The following FGF13 variants were observed in gnomAD, a reference collection of about 807,000 sequenced individuals.
The protein encoded by FGF13 is fibroblast growth factor homologous factor 2.
In FGF13, 2 loss-of-function variants were observed where a neutral mutation model predicts 19.5. The ratio of observed to expected loss-of-function variants is 0.10; its 90% CI spans 0.04 to 0.32. The LOEUF (loss-of-function observed/expected upper bound fraction) is 0.32, where lower values mean the gene tolerates loss of function less well. FGF13 is among the 10% of genes least tolerant of loss of function. FGF13 has a pLI of 1.00. For missense variants in FGF13, 113 were observed against 192.7 expected, an observed-to-expected ratio of 0.59 and a Z score of 2.45; for synonymous variants, 72 against 76.9, an observed-to-expected ratio of 0.94 and a Z score of 0.33.
intron 3 of FGF13, among the ~76,000 whole-genome samples, chrX:138,778,672 A>T (rs2090611236): frequency 8.9e-6 from 1 of 112,017 alleles, no homozygotes; most frequent in Non-Finnish European, 1.9e-5. Context: ...TGCTAGGCCC[A>T]CGGAGTCTCG....
At chrX:139,004,466 C>T (rs974271593) in intron 1 of FGF13, among the ~76,000 whole-genome samples, 21 of 112,428 alleles carry the variant, frequency 1.9e-4, no homozygotes, top group Non-Finnish European at 5.6e-5. Flanking sequence ...GCCCAGAAAG[C>T]GGCTCCCACA....
At chrX:139,185,964 T>C (rs2084280160) in intron 1 of FGF13, among the ~76,000 whole-genome samples, 1 of 111,519 alleles carries the variant, frequency 9.0e-6, no homozygotes, top group Admixed American at 9.5e-5. Flanking sequence ...ACACACAATC[T>C]ATGGTTTGAT....
intron 1 of FGF13, among the ~76,000 whole-genome samples, chrX:139,007,669 G>A (rs901440405): frequency 8.9e-6 from 1 of 112,340 alleles, no homozygotes; most frequent in Non-Finnish European, 1.9e-5. Flanking sequence ...TAGAGATTAA[G>A]GTGGCAGATA....
At chrX:139,081,313 T>C (rs1246748267) in intron 1 of FGF13, among the ~76,000 whole-genome samples, 10 of 111,882 alleles carry the variant, frequency 8.9e-5, no homozygotes, top group Non-Finnish European at 3.8e-5. Context: ...CTAGGATATC[T>C]CACTCTCTTA....
intron 1 of FGF13, among the ~76,000 whole-genome samples, chrX:139,014,710 C>G (rs2092145657): frequency 9.0e-6 from 1 of 111,378 alleles, no homozygotes; most frequent in African/African-American, 3.3e-5. Context: ...ATTCCAAACT[C>G]ATTTTACAAG....
chrX:139,110,598 A>G (rs980930201), intron 1 of FGF13, among the ~76,000 whole-genome samples: 6 of 111,515 alleles, frequency 5.4e-5, no homozygotes, highest in African/African-American at 2.0e-4. Flanking sequence ...CATTAAACCT[A>G]TTTTTCTTCC....
At chrX:139,105,263 A>G (rs937451105) in intron 1 of FGF13, among the ~76,000 whole-genome samples, 1 of 111,197 alleles carries the variant, frequency 9.0e-6, no homozygotes, top group Non-Finnish European at 1.9e-5. Context: ...TGCTGTGTGT[A>G]GCAGACACAA....
At chrX:138,971,181 C>T (rs1231533165) in intron 1 of FGF13, among the ~76,000 whole-genome samples, 1 of 111,851 alleles carries the variant, frequency 8.9e-6, no homozygotes, top group East Asian at 2.8e-4. Context: ...GAATTCCTGG[C>T]TCCTCTACCT....
intron 1 of FGF13, among the ~76,000 whole-genome samples, chrX:139,051,805 G>A (rs2092303881): frequency 8.9e-6 from 1 of 112,267 alleles, no homozygotes. Flanking sequence ...TGATATCTGA[G>A]AGTTCAAGGT....
intron 1 of FGF13, among the ~76,000 whole-genome samples, chrX:138,886,479 A>G (rs1483229382): frequency 3.6e-5 from 4 of 112,355 alleles, no homozygotes; most frequent in Admixed American, 9.5e-5. Context: ...ATTCATTTCA[A>G]TTGGGACACA....
chrX:139,153,570 G>C (rs1223815493), intron 1 of FGF13, among the ~76,000 whole-genome samples: 1 of 110,923 alleles, frequency 9.0e-6, no homozygotes, highest in Admixed American at 9.6e-5. Context: ...GCCACTGGGT[G>C]GAAGGGAGTT....
rs1209685214 is a variant in FGF13, at chrX:138,850,538, T to A, written c.217+6974A>T. Among the ~76,000 whole-genome samples, 3 of 112,239 alleles carry A rather than the reference T, an allele frequency of 2.7e-5. No individual in the cohort carries two copies. In the Admixed American group the frequency reaches 2.8e-4, roughly 11 times the overall value. ...TTGGACTAATATTTTTTTATCTTTCTTGTGACTCTGCAATTAAGCTGCCAT... is the reference window on the plus strand; with the variant it reads ...TTGGACTAATATTTTTTTATCTTTCATGTGACTCTGCAATTAAGCTGCCAT... On this transcript the variant is annotated intron_variant, in intron 3 of 6. Coordinates refer to the FGF13 transcript ENST00000436198.
chrX:138,762,294 G>A (rs1290816101), intron 3 of FGF13, among the ~76,000 whole-genome samples: 1 of 110,723 alleles, frequency 9.0e-6, no homozygotes, highest in Non-Finnish European at 1.9e-5. Flanking sequence ...CACTGTATGT[G>A]GAAGAATTTC....
At chrX:138,909,145 T>A (rs2091574223) in intron 1 of FGF13, among the ~76,000 whole-genome samples, 1 of 111,789 alleles carries the variant, frequency 8.9e-6, no homozygotes, top group East Asian at 2.8e-4. Flanking sequence ...CTCTGTGACT[T>A]AGGGACAGGA....
chrX:139,124,862 G>C (rs1569455637), intron 1 of FGF13, among the ~76,000 whole-genome samples: 1 of 111,536 alleles, frequency 9.0e-6, no homozygotes. Flanking sequence ...AAAGCAGGCT[G>C]AGGGTGGCCT....
chrX:138,869,719 C>A (rs1468802948), intron 1 of FGF13, among the ~76,000 whole-genome samples: 3 of 112,440 alleles, frequency 2.7e-5, no homozygotes, highest in Non-Finnish European at 3.8e-5. Context: ...AACACTAGAA[C>A]ATAACTCTCA....
intron 1 of FGF13, among the ~76,000 whole-genome samples, chrX:138,737,674 T>C (rs1421968388): frequency 1.8e-5 from 2 of 112,144 alleles, no homozygotes; most frequent in Non-Finnish European, 3.8e-5. Flanking sequence ...AATAATTGTT[T>C]GGTGAGAATT....
intron 1 of FGF13, among the ~76,000 whole-genome samples, chrX:138,988,415 A>G (rs1018060371): frequency 8.9e-6 from 1 of 112,556 alleles, no homozygotes; most frequent in African/African-American, 3.2e-5. Context: ...TATGCTATAT[A>G]ATGATGAGCT....
chrX:138,972,025 T>C (rs1192077906), intron 1 of FGF13, among the ~76,000 whole-genome samples: 3 of 106,493 alleles, frequency 2.8e-5, no homozygotes, highest in African/African-American at 1.0e-4. Context: ...AATGACAGAA[T>C]TTTATCTTTT....
Sources: allele counts gnomAD v4.1 joint callset (sites outside exome capture counted in the v4.1 genomes callset), GRCh38; gene constraint gnomAD v4.1.1; transcripts MANE v1.5; gene names NCBI Gene and HGNC (gene_info 2026-07-23, HGNC 2026-07-21).